Variants in FMNL2 observed in about 807,000 individuals in gnomAD.
FMNL2 encodes formin-like protein 2.
In FMNL2, 51 loss-of-function variants were observed where a neutral mutation model predicts 130.2. That is an observed-to-expected ratio of 0.39 (90% CI 0.31 to 0.49). The LOEUF (loss-of-function observed/expected upper bound fraction) is 0.49, where lower values mean the gene tolerates loss of function less well. Among genes scored for constraint, FMNL2 ranks in the 20% least tolerant of loss-of-function variants. FMNL2 has a pLI of 0.85. For missense variants in FMNL2, 977 were observed against 1,316.2 expected (o/e 0.74, Z 3.99); for synonymous variants, 465 against 467.1 (o/e 1.00, Z 0.06).
chr2:152,421,763 C>G (rs915469436), intron 1 of FMNL2, among the ~76,000 whole-genome samples: 1 of 152,190 alleles, frequency 6.6e-6, no homozygotes, highest in African/African-American at 2.4e-5. Flanking sequence ...GAGATATGAC[C>G]AGGGAGTGAT....
chr2:152,586,626 C>T (rs1697090828), intron 9 of FMNL2, among the ~76,000 whole-genome samples: 1 of 152,164 alleles, frequency 6.6e-6, no homozygotes, highest in African/African-American at 2.4e-5. Context: ...GCAATGTATT[C>T]TCTCAAGTCT....
At chr2:152,475,422 G>A (rs935373081) in intron 1 of FMNL2, among the ~76,000 whole-genome samples, 10 of 152,230 alleles carry the variant, frequency 6.6e-5, no homozygotes, top group Admixed American at 6.5e-4. Context: ...GACTCATCAC[G>A]GTTAATAGTA....
intron 11 of FMNL2, among the ~76,000 whole-genome samples, chr2:152,612,234 G>A (rs1403558232): frequency 1.3e-5 from 2 of 152,154 alleles, no homozygotes; most frequent in African/African-American, 4.8e-5. Flanking sequence ...AATCAGAAAT[G>A]GTCTTGAAAA....
At chr2:152,529,679 G>A (rs149138726) in intron 2 of FMNL2, among the ~76,000 whole-genome samples, 5 of 152,248 alleles carry the variant, frequency 3.3e-5, no homozygotes, top group South Asian at 2.1e-4. Flanking sequence ...TTTACATTAC[G>A]TCTTTCCTCT....
intron 1 of FMNL2, among the ~76,000 whole-genome samples, chr2:152,360,470 A>G (rs751456869): frequency 3.3e-5 from 5 of 152,192 alleles, no homozygotes; most frequent in Non-Finnish European, 5.9e-5. Context: ...AGCTGGGACT[A>G]CAGGTACCCA....
At chr2:152,625,731 G>T (rs1452072018) in intron 16 of FMNL2, among the ~76,000 whole-genome samples, 169 bp downstream of exon 16, 1 of 152,200 alleles carries the variant, frequency 6.6e-6, no homozygotes, top group Non-Finnish European at 1.5e-5. Flanking sequence ...ACACTGTTTT[G>T]TAAGGTGGCT....
chr2:152,516,139 G>A (rs977143662), intron 1 of FMNL2, among the ~76,000 whole-genome samples: 4 of 152,030 alleles, frequency 2.6e-5, no homozygotes, highest in Non-Finnish European at 5.9e-5. Flanking sequence ...TAATGGCTCC[G>A]GGGAAGGGAA....
At chr2:152,550,692 T>C (rs1694887831) in intron 4 of FMNL2, among the ~76,000 whole-genome samples, 3 of 152,230 alleles carry the variant, frequency 2.0e-5, no homozygotes, top group South Asian at 4.1e-4. Flanking sequence ...TTTAATACTT[T>C]TGGGCATTTA....
At chr2:152,637,274 G>A (rs1682698818) in intron 22 of FMNL2, among the ~76,000 whole-genome samples, 4 of 152,216 alleles carry the variant, frequency 2.6e-5, no homozygotes, top group Admixed American at 2.6e-4. Flanking sequence ...AGATTTCCTT[G>A]TTTTGTATGT....
In FMNL2 at chr2:152,626,568, C is replaced by T; in HGVS notation, c.2006C>T (p.Ala669Val). ...TTTGAGGAAATATTCAAGACAAAAG[C>T]CCAAGGACCTGCCATTGATCTTTCT... Reference protein sequence around the residue: ...DEFEEIFKTKAQGPAIDLSSS... With the variant: ...DEFEEIFKTKVQGPAIDLSSS... The change falls in exon 17 of 26, where the codon GCC (alanine) becomes GTC (valine). Residue 669 changes from alanine (A) to valine (V), a missense_variant. Transcript: ENST00000288670. 1 of 1,611,686 alleles carries T rather than the reference C, an allele frequency of 6.2e-7. No homozygotes were observed. Among genetic ancestry groups the T allele is most frequent in the Non-Finnish European group, 8.5e-7 (1 of 1,178,870 alleles).
At chr2:152,341,889 T>C (rs1451666912) in intron 1 of FMNL2, among the ~76,000 whole-genome samples, 1 of 152,194 alleles carries the variant, frequency 6.6e-6, no homozygotes, top group Non-Finnish European at 1.5e-5. Flanking sequence ...TTAAAGTTAT[T>C]CAGATAATCT....
At chr2:152,352,431 G>T (rs906801611) in intron 1 of FMNL2, among the ~76,000 whole-genome samples, 1 of 152,122 alleles carries the variant, frequency 6.6e-6, no homozygotes, top group African/African-American at 2.4e-5. Flanking sequence ...CAAATTTCTC[G>T]ACTCAAAAGC....
chr2:152,499,366 T>C (rs78112876), intron 1 of FMNL2, among the ~76,000 whole-genome samples: 13,565 of 152,234 alleles, frequency 0.089, 920 homozygotes, highest in Admixed American at 0.22. Flanking sequence ...AGGCCTGGCT[T>C]CCCTCTCTCT....
At chr2:152,451,570 T>C (rs1322980126) in intron 1 of FMNL2, among the ~76,000 whole-genome samples, 5 of 152,106 alleles carry the variant, frequency 3.3e-5, no homozygotes, top group Non-Finnish European at 7.3e-5. Context: ...TAGGTACTAA[T>C]ATCAGCACCG....
At chr2:152,611,166 C>A (rs1698658396) in intron 10 of FMNL2, among the ~76,000 whole-genome samples, 1 of 152,114 alleles carries the variant, frequency 6.6e-6, no homozygotes, top group Non-Finnish European at 1.5e-5. Flanking sequence ...TGGTGAAACC[C>A]CATCTCTACT....
At chr2:152,485,230 C>T (rs749587678) in intron 1 of FMNL2, among the ~76,000 whole-genome samples, 4 of 152,098 alleles carry the variant, frequency 2.6e-5, no homozygotes, top group Admixed American at 6.5e-5. Flanking sequence ...CGGTGGCTCA[C>T]GCCTGTAATC....
At chr2:152,607,013 T>TTTTG (rs1166422036) in intron 9 of FMNL2, among the ~76,000 whole-genome samples, 23 of 131,284 alleles carry the variant, frequency 1.8e-4, no homozygotes, top group East Asian at 1.1e-3. Flanking sequence ...TTTGTTTTTT[T>TTTTG]TTTTTTTTTT....
At chr2:152,586,390 A>G (rs1697077463) in intron 9 of FMNL2, among the ~76,000 whole-genome samples, 1 of 152,200 alleles carries the variant, frequency 6.6e-6, no homozygotes, top group Non-Finnish European at 1.5e-5. Context: ...ATTAAGTTGA[A>G]CTAAGAAAGC....
intron 1 of FMNL2, among the ~76,000 whole-genome samples, chr2:152,458,350 A>G (rs1237627330): frequency 6.6e-6 from 1 of 152,166 alleles, no homozygotes; most frequent in Non-Finnish European, 1.5e-5. Context: ...TTCTTATCTT[A>G]GTCCGGAGCA....
Sources: gnomAD v4.1 joint callset for allele counts (sites outside exome capture counted in the v4.1 genomes callset) on GRCh38, gnomAD v4.1.1 for gene constraint, MANE v1.5 for transcripts, NCBI Gene and HGNC (gene_info 2026-07-23, HGNC 2026-07-21) for gene names.